PPA1: variants seen among roughly 807,000 people sequenced by gnomAD.
The protein encoded by PPA1 is inorganic pyrophosphatase.
A neutral mutation model predicts 41.8 loss-of-function variants in PPA1; 23 were observed. That is an observed-to-expected ratio of 0.55 (90% CI 0.40 to 0.78). The LOEUF (loss-of-function observed/expected upper bound fraction) is 0.78, where lower values mean the gene tolerates loss of function less well. Ranked by LOEUF, PPA1 falls within the 30% of genes least tolerant of loss-of-function variation. The pLI is 0.00. For missense variants in PPA1, 320 were observed against 361.6 expected (o/e 0.89, Z 0.93); for synonymous variants, 101 against 116.8 (o/e 0.86, Z 0.87).
chr10:70,220,447 TGTGTGTGTGTGC>T (rs1840126313), intron 2 of PPA1, among the ~76,000 whole-genome samples: 1 of 129,972 alleles, frequency 7.7e-6, no homozygotes, highest in Non-Finnish European at 1.6e-5. Context: ...TGTATATATG[TGTGTGTGTGTGC>T]GTGTATGTGC....
chr10:70,231,830 G>C (rs552227993), intron 1 of PPA1, among the ~76,000 whole-genome samples: 1 of 152,102 alleles, frequency 6.6e-6, no homozygotes, highest in Non-Finnish European at 1.5e-5. Context: ...GAGTAGCTTT[G>C]GTCTCCCATA....
In PPA1 at chr10:70,202,962, G is replaced by T. The variant is rs560276258; in HGVS notation, c.*193C>A. Reference sequence around the variant, plus strand: ...TTTGATATTTAAGCATGTGCTAAAAGTTATCTTAGTTGAGATATGAAAAAT... The same window carrying T: ...TTTGATATTTAAGCATGTGCTAAAATTTATCTTAGTTGAGATATGAAAAAT... On this transcript the variant is annotated 3_prime_UTR_variant, in exon 11 of 11. Coordinates refer to ENST00000373232, the MANE Select transcript of PPA1 (RefSeq NM_021129.4). 1 of 616,336 alleles carries T rather than the reference G, an allele frequency of 1.6e-6. No individual in the cohort carries two copies. Among genetic ancestry groups the T allele is most frequent in the Admixed American group, 3.2e-5 (1 of 30,854 alleles). The allele number at this position is 616,336 out of a possible 1,614,324, so 38.2% of individuals were successfully genotyped here. A position where few individuals can be genotyped will look rare whatever the true frequency, so the allele number is the denominator to read the frequency against.
At chr10:70,227,370 T>C (rs1051054721) in intron 2 of PPA1, among the ~76,000 whole-genome samples, 1 of 152,128 alleles carries the variant, frequency 6.6e-6, no homozygotes, top group African/African-American at 2.4e-5. Context: ...CTGATATGGG[T>C]TGGACACAGT....
chr10:70,226,197 TCAAA>T (rs1337503996), intron 2 of PPA1, among the ~76,000 whole-genome samples: 8 of 152,198 alleles, frequency 5.3e-5, no homozygotes, highest in Non-Finnish European at 7.3e-5. Flanking sequence ...TCATTGCAGC[TCAAA>T]CAAATGCCTG....
rs1840274926 is a variant in PPA1, at chr10:70,230,208, C to A, written c.123+133G>T. The A allele has an allele frequency of 6.5e-6, 7 of 1,073,260 alleles. 1 individual carries two copies. The South Asian group carries it at 7.3e-5, about 11-fold the overall frequency. 66.5% of individuals were successfully genotyped at this position (1,073,260 alleles called of 1,614,324 possible). On this transcript the variant is annotated intron_variant, in intron 2 of 10. Transcript: ENST00000373232. The stretch of plus-strand genomic sequence containing the variant: ...ACAGGCGTGAGCCACCACGCCCAGC[C>A]TAATCAACAGACCTTTAGCTCACAG...
chr10:70,210,354 G>A (rs759216058), intron 6 of PPA1: 1 of 1,363,060 alleles, frequency 7.3e-7, no homozygotes. Context: ...TGGGATTACA[G>A]GCTTGAGGTA....
intron 2 of PPA1, among the ~76,000 whole-genome samples, chr10:70,220,904 T>TTAC (rs1840147752): frequency 1.4e-4 from 1 of 6,956 alleles, no homozygotes; most frequent in African/African-American, 1.1e-3. Context: ...ATATATAATT[T>TTAC]ATATATAATA....
At chr10:70,219,372 T>C (rs1840110568) in intron 2 of PPA1, among the ~76,000 whole-genome samples, 2 of 152,216 alleles carry the variant, frequency 1.3e-5, no homozygotes, top group South Asian at 4.1e-4. Context: ...GCCAGTGTTA[T>C]TTCCTTCAGA....
Position 70,213,529 on chromosome 10 carries a change from C to T in PPA1, c.445G>A (p.Glu149Lys), listed in dbSNP as rs758989276. Reference sequence around the variant, plus strand: ...ATGACTTTCCAGTCGGTTTCCCCTTCGTCAATCATAGCCAATATGCCTAGA... The same window carrying T: ...ATGACTTTCCAGTCGGTTTCCCCTTTGTCAATCATAGCCAATATGCCTAGA... ...KVLGILAMID[E>K]GETDWKVIAI... The change falls in exon 6 of 11, where the codon GAA becomes AAA. Residue 149 changes from glutamate to lysine, a missense_variant. By Grantham distance (56) the Glu-to-Lys change is moderately conservative. Coordinates refer to ENST00000373232, the MANE Select transcript of PPA1 (RefSeq NM_021129.4). 8.7e-6 allele frequency: 14 copies of T among 1,614,004 alleles called. No individual in the cohort carries two copies. Among genetic ancestry groups the T allele is most frequent in the Middle Eastern group, 1.7e-4 (1 of 6,060 alleles).
chr10:70,223,217 A>AAAAG (rs112863393), intron 2 of PPA1, among the ~76,000 whole-genome samples: 1 of 148,728 alleles, frequency 6.7e-6, no homozygotes, highest in South Asian at 2.2e-4. Flanking sequence ...CATTTTTTTA[A>AAAAG]AGAGAGAGAG....
At chr10:70,226,856 G>A (rs1296401566) in intron 2 of PPA1, among the ~76,000 whole-genome samples, 2 of 152,018 alleles carry the variant, frequency 1.3e-5, no homozygotes, top group Non-Finnish European at 2.9e-5. Context: ...CTTTCTTTCA[G>A]AAGGGGAAAA....
rs754515847 is a variant in PPA1 at position 70,209,537 on chromosome 10, C to T, written c.639+21G>A. On this transcript the variant is annotated intron_variant, in intron 7 of 10. Transcript: ENST00000373232. ...CTCAATACAAATGAGCCTAAAGCTA[C>T]AGTTCTGAATGACATATTACCTTAT... The T allele has an allele frequency of 3.8e-6, 6 of 1,579,662 alleles. No individual in the cohort carries two copies. The East Asian group carries it at 1.3e-4, about 35-fold the overall frequency.
intron 6 of PPA1, among the ~76,000 whole-genome samples, chr10:70,213,116 T>A (rs1554830114): frequency 2.6e-5 from 4 of 152,188 alleles, no homozygotes; most frequent in Non-Finnish European, 1.5e-5. Flanking sequence ...GTGAATATAC[T>A]AAAAACCACT....
intron 2 of PPA1, among the ~76,000 whole-genome samples, chr10:70,221,833 A>C (rs2136765683): frequency 6.6e-6 from 1 of 152,362 alleles, no homozygotes; most frequent in African/African-American, 2.4e-5. Flanking sequence ...AGCTAAAATA[A>C]CTAATTCAAA....
intron 6 of PPA1, chr10:70,210,547 G>T: frequency 1.3e-6 from 1 of 777,440 alleles, no homozygotes. Flanking sequence ...ACAGAAAAGT[G>T]CACTGCTTTA....
At chr10:70,222,347 A>G (rs1840181706) in intron 2 of PPA1, among the ~76,000 whole-genome samples, 2 of 151,520 alleles carry the variant, frequency 1.3e-5, no homozygotes, top group Non-Finnish European at 2.9e-5. Flanking sequence ...AAAAAAAAAA[A>G]AAAAAAAAAA....
intron 3 of PPA1, 33 bp from the exon 4 acceptor site, chr10:70,217,964 T>A (rs764595971): frequency 8.0e-6 from 12 of 1,500,086 alleles, no homozygotes; most frequent in Non-Finnish European, 1.1e-5. Context: ...CTTTGCATAT[T>A]TGGATGTGAA....
chr10:70,230,253 C>A, intron 2 of PPA1, 88 bp downstream of exon 2: 1 of 1,446,720 alleles, frequency 6.9e-7, no homozygotes, highest in Non-Finnish European at 9.6e-7. Flanking sequence ...GCATTTTAAG[C>A]ACTTGTTGAG....
chr10:70,220,428 G>T (rs1840125607), intron 2 of PPA1, among the ~76,000 whole-genome samples: 1 of 134,206 alleles, frequency 7.5e-6, no homozygotes, highest in Non-Finnish European at 1.5e-5. Flanking sequence ...AATTGTGTGT[G>T]TGTGTATATG....
Sources: allele counts gnomAD v4.1 joint callset (sites outside exome capture counted in the v4.1 genomes callset), GRCh38; gene constraint gnomAD v4.1.1; transcripts MANE v1.5; gene names NCBI Gene and HGNC (gene_info 2026-07-23, HGNC 2026-07-21).